The following HPN variants were observed in gnomAD, a reference collection of about 807,000 sequenced individuals.
The protein encoded by HPN is serine protease hepsin.
A neutral mutation model predicts 55.9 loss-of-function variants in HPN; 13 were observed. That is an observed-to-expected ratio of 0.23 (90% CI 0.15 to 0.37). The LOEUF (loss-of-function observed/expected upper bound fraction) is 0.37, where lower values mean the gene tolerates loss of function less well. Ranked by LOEUF, HPN falls within the 10% of genes least tolerant of loss-of-function variation. The pLI is 1.00. For synonymous variants in HPN, 225 were observed against 240.3 expected (o/e 0.94, Z 0.59); for missense variants, 451 against 575.8 (o/e 0.78, Z 2.22).
chr19:35,066,257 C>T lies in HPN; in HGVS notation c.1224C>T (p.Ser408=), dbSNP rs754690980. Residue 408 remains serine, a synonymous_variant, in exon 13 of 13, where the codon TCC becomes TCT. Coordinates refer to ENST00000672452, the MANE Select transcript of HPN (RefSeq NM_001384133.1). The part of the protein sequence containing the change: ...EWIFQAIKTH[S]EASGMVTQL ...CAGCTGTCTTTCCCCAGACTCACTC[C>T]GAAGCCAGCGGCATGGTGACCCAGC... is the stretch of plus-strand genomic sequence containing the variant. 3.5e-5 allele frequency: 57 copies of T among 1,613,634 alleles called. No homozygotes were observed. The highest frequency in any genetic ancestry group is 2.1e-4 in the South Asian group (19 of 91,012).
At chr19:35,041,173 G>C (rs1470441901), upstream of HPN, among the ~76,000 whole-genome samples, 1 of 152,236 alleles carries the variant, frequency 6.6e-6, no homozygotes, top group Non-Finnish European at 1.5e-5. Flanking sequence ...GGACTTTCTG[G>C]CTCCAGAGGT....
intron 2 of HPN, among the ~76,000 whole-genome samples, chr19:35,043,494 T>G (rs1422590396): frequency 6.6e-6 from 1 of 152,250 alleles, no homozygotes; most frequent in Non-Finnish European, 1.5e-5. Flanking sequence ...GTGTTCTCCC[T>G]GGGCCTCCAT....
upstream of HPN, chr19:35,041,694 G>GAAA: frequency 1.3e-5 from 1 of 78,642 alleles, no homozygotes. Context: ...CCCTTCACCC[G>GAAA]CCCCTCGCCC....
upstream of HPN, among the ~76,000 whole-genome samples, chr19:35,040,722 C>T (rs2064284554): frequency 6.6e-6 from 1 of 151,990 alleles, no homozygotes; most frequent in African/African-American, 2.4e-5. Context: ...GTGTGAGTCT[C>T]TGGAGAGGTG....
rs1458508398 is a variant in HPN, at chr19:35,065,585, C to G, written c.954C>G (p.Ser318Arg). The change falls in exon 11 of 13, where the codon AGC (serine) becomes AGG (arginine). Residue 318 changes from serine (S) to arginine (R), a missense_variant. Ser to Arg is a moderately radical substitution (Grantham distance 110, BLOSUM62 -1). Around this residue, in one of 2 missense-constraint regions of HPN, gnomAD observed 378 missense variants for 445.5 expected, o/e 0.85. Transcript: ENST00000672452. ...VLQEARVPII[S>R]NDVCNGADFY... The stretch of plus-strand genomic sequence containing the variant: ...AGGAGGCTCGAGTCCCCATAATCAG[C>G]AATGATGTCTGCAATGGCGCTGACT... 1 of 1,614,192 alleles carries G rather than the reference C, an allele frequency of 6.2e-7. No individual in the cohort carries two copies. Among genetic ancestry groups the G allele is most frequent in the East Asian group, 2.2e-5 (1 of 44,882 alleles).
At chr19:35,044,333 AG>A (rs1222987187) in intron 2 of HPN, among the ~76,000 whole-genome samples, 1 of 152,166 alleles carries the variant, frequency 6.6e-6, no homozygotes, top group African/African-American at 2.4e-5. Flanking sequence ...TGCCAGGCAG[AG>A]GGAAGAGCAA....
chr19:35,051,074 G>A (rs980952228), intron 4 of HPN, among the ~76,000 whole-genome samples: 3 of 149,132 alleles, frequency 2.0e-5, no homozygotes, highest in African/African-American at 5.0e-5. Context: ...ATGCCACCAT[G>A]CCTACACAAA....
chr19:35,046,267 C>T (rs1343437008), intron 2 of HPN, among the ~76,000 whole-genome samples: 3 of 147,556 alleles, frequency 2.0e-5, no homozygotes, highest in African/African-American at 7.5e-5. Flanking sequence ...TTTTTTAATA[C>T]AGAGTCTCGC....
chr19:35,049,219 TG>T, intron 2 of HPN, 70 bp from the exon 3 acceptor site: 2 of 1,145,026 alleles, frequency 1.7e-6, no homozygotes, highest in Non-Finnish European at 2.4e-6. Context: ...AGGGCAGAGC[TG>T]GCCTCGGGCC....
chr19:35,064,154 A>G (rs2064570996), intron 9 of HPN, among the ~76,000 whole-genome samples: 1 of 5,698 alleles, frequency 1.8e-4, no homozygotes, highest in African/African-American at 2.2e-4. Context: ...TGTCATCAGC[A>G]GGCAGCAGGC....
intron 9 of HPN, 110 bp from the exon 10 acceptor site, chr19:35,065,140 A>T (rs1481669113): frequency 2.0e-4 from 124 of 623,398 alleles, no homozygotes; most frequent in Middle Eastern, 4.1e-4. Flanking sequence ...TTTTTTTTTT[A>T]AAGAACAGAG....
intron 2 of HPN, among the ~76,000 whole-genome samples, chr19:35,044,724 G>A (rs1488527768): frequency 6.6e-6 from 1 of 152,204 alleles, no homozygotes; most frequent in Non-Finnish European, 1.5e-5. Flanking sequence ...GGCTGGAAAT[G>A]CCAGGCTGAG....
intron 9 of HPN, among the ~76,000 whole-genome samples, chr19:35,064,030 G>C (rs1170918433): frequency 6.6e-6 from 1 of 152,198 alleles, no homozygotes; most frequent in East Asian, 1.9e-4. Context: ...ATGAACACTT[G>C]CTGTTTGCCT....
intron 4 of HPN, among the ~76,000 whole-genome samples, chr19:35,057,598 G>A (rs1370578283): frequency 2.6e-5 from 4 of 152,080 alleles, no homozygotes; most frequent in Admixed American, 6.5e-5. Context: ...AGATATAAAT[G>A]TCTTGTTGGA....
At chr19:35,049,117 C>T (rs1479284757) in intron 2 of HPN, among the ~76,000 whole-genome samples, 173 bp from the exon 3 acceptor site, 2 of 152,138 alleles carry the variant, frequency 1.3e-5, no homozygotes, top group South Asian at 2.1e-4. Context: ...GTTGTTCACA[C>T]GGCAGGGGAG....
intron 2 of HPN, among the ~76,000 whole-genome samples, chr19:35,045,302 A>G (rs1740032126): frequency 6.6e-6 from 1 of 152,074 alleles, no homozygotes; most frequent in African/African-American, 2.4e-5. Flanking sequence ...GTGGGTGAAG[A>G]CAGCAGCCTC....
Position 35,041,792 on chromosome 19 carries a change from A to C in HPN, c.-135A>C. 7.5e-7 allele frequency: 1 copy of C among 1,326,320 alleles called. No homozygotes were observed. The highest frequency in any genetic ancestry group is 9.9e-7 in the Non-Finnish European group (1 of 1,011,366). 82.2% of individuals were successfully genotyped at this position (1,326,320 alleles called of 1,614,324 possible). A position where few individuals can be genotyped will look rare whatever the true frequency, so the allele number is the denominator to read the frequency against. On this transcript the variant is annotated 5_prime_UTR_variant, in exon 1 of 13. Transcript: ENST00000672452. ...CCAGGCCGCCCGCTGCTGCGGGGCC[A>C]CCATGCTCCTGCCCAGGCCTGGAGA...
At chr19:35,065,714 G>T (rs745365010) in intron 11 of HPN, 33 bp downstream of exon 11, 1 of 1,612,600 alleles carries the variant, frequency 6.2e-7, no homozygotes, top group Non-Finnish European at 8.5e-7. Flanking sequence ...CCCCCTGGTC[G>T]CTGCCACCCC....
upstream of HPN, among the ~76,000 whole-genome samples, chr19:35,040,746 A>C (rs1043747910): frequency 4.6e-5 from 7 of 152,026 alleles, no homozygotes; most frequent in Non-Finnish European, 1.0e-4. Context: ...GCTGGGGAGA[A>C]GGAGAGGGAA....
Sources: gnomAD v4.1 joint callset for allele counts (sites outside exome capture counted in the v4.1 genomes callset) on GRCh38, gnomAD v4.1.1 for gene constraint, gnomAD v4.1.1 regional missense constraint, MANE v1.5 for transcripts, NCBI Gene and HGNC (gene_info 2026-07-23, HGNC 2026-07-21) for gene names.